The following SMARCD3 variants were observed in gnomAD, a reference collection of about 807,000 sequenced individuals.
SMARCD3 encodes the protein SWI/SNF-related matrix-associated actin-dependent regulator of chromatin subfamily D member 3.
A neutral mutation model predicts 58.0 loss-of-function variants in SMARCD3; 14 were observed. The observed-to-expected ratio is 0.24, with a 90% CI of 0.16 to 0.38. SMARCD3 has a LOEUF of 0.38. Among genes scored for constraint, SMARCD3 ranks in the 10% least tolerant of loss-of-function variants. The pLI is 1.00. For missense variants in SMARCD3, 408 were observed against 636.9 expected (o/e 0.64, Z 3.87); for synonymous variants, 253 against 253.8 (o/e 1.00, Z 0.03).
upstream of SMARCD3, among the ~76,000 whole-genome samples, chr7:151,249,798 G>C (rs998862554): frequency 2.2e-4 from 34 of 151,966 alleles, no homozygotes; most frequent in Admixed American, 1.1e-3. The surrounding 1 kb of genome is among the most constrained non-coding windows in gnomAD (Gnocchi z 4.8). Flanking sequence ...CCCAGAAGGG[G>C]CGTGTGGAAG....
Position 151,238,823 on chromosome 7 carries a change from C to G in SMARCD3, c.*280G>C, listed in dbSNP as rs1347172660. On this transcript the variant is annotated 3_prime_UTR_variant, in exon 13 of 13. Coordinates refer to ENST00000262188, the MANE Select transcript of SMARCD3 (RefSeq NM_001003801.2). ...GTTATTAAACATGTCTTCTGCCAAACTGTTTTTAGGTCTAGGGAAAATTGA... is the reference window on the plus strand; with the variant it reads ...GTTATTAAACATGTCTTCTGCCAAAGTGTTTTTAGGTCTAGGGAAAATTGA... The G allele has an allele frequency of 1.3e-6, 2 of 1,529,136 alleles. No homozygotes were observed. The highest frequency in any genetic ancestry group is 2.7e-5 in the African/African-American group (2 of 73,014). 94.7% of individuals were successfully genotyped at this position (1,529,136 alleles called of 1,614,324 possible).
At position 151,242,066 on chromosome 7, in the gene SMARCD3, G is replaced by C; in HGVS notation, c.675+71C>G. 2.6e-6 allele frequency: 4 copies of C among 1,539,076 alleles called. No homozygotes were observed. The highest frequency in any genetic ancestry group is 2.2e-5 in the South Asian group (2 of 89,508). On this transcript the variant is annotated intron_variant, in intron 6 of 12. Transcript: ENST00000262188. This position sits in a 1 kb window ranked among gnomAD's most constrained non-coding sequence, Gnocchi z 4.7. Reference sequence around the variant, plus strand: ...CTAGGGTGGTCCCTGACCCAAATCTGTGCTGGTTCTTCAGGGATTCTGGCC... The same window carrying C: ...CTAGGGTGGTCCCTGACCCAAATCTCTGCTGGTTCTTCAGGGATTCTGGCC...
chr7:151,254,436 C>G (rs1803634519), intron 2 of SMARCD3: 1 of 152,616 alleles, frequency 6.6e-6, no homozygotes, highest in African/African-American at 2.4e-5. Context: ...CTCCCTGGAG[C>G]TCTGTCCTCA....
rs552440384 is a variant in SMARCD3 at position 151,239,988 on chromosome 7, C to CTTT, written c.1173+121_1173+123dup. On this transcript the variant is annotated intron_variant, in intron 10 of 12. Transcript: ENST00000262188. The surrounding 1 kb of genome is among the most constrained non-coding windows in gnomAD (Gnocchi z 7.0). ...GTCCCATTGGCCCAGAGTCTGGTCT[C>CTTT]TTTTTTTTTTTTTTTTTTAATTTAA... is the stretch of plus-strand genomic sequence containing the variant. 2.4e-4 allele frequency: 201 copies of CTTT among 830,352 alleles called. No homozygotes were observed. Among genetic ancestry groups the CTTT allele is most frequent in the Non-Finnish European group, 3.0e-4 (165 of 557,968 alleles). The allele number at this position is 830,352 out of a possible 1,614,324, so 51.4% of individuals were successfully genotyped here. A position where few individuals can be genotyped will look rare whatever the true frequency, so the allele number is the denominator to read the frequency against.
chr7:151,254,439 T>C (rs1803634603), intron 2 of SMARCD3: 1 of 152,552 alleles, frequency 6.6e-6, no homozygotes, highest in African/African-American at 2.4e-5. Context: ...CCTGGAGCTC[T>C]GTCCTCATCT....
Position 151,241,380 on chromosome 7 carries a change from C to G in SMARCD3, c.939+112G>C. On this transcript the variant is annotated intron_variant, in intron 8 of 12. Coordinates refer to ENST00000262188, the MANE Select transcript of SMARCD3 (RefSeq NM_001003801.2). The surrounding 1 kb of genome is among the most constrained non-coding windows in gnomAD (Gnocchi z 5.3). ...CCAAGACCATGACTGTGTACTGCTT[C>G]TGCTACTCAGGAATCTAGAAGGGAG... The G allele has an allele frequency of 5.5e-6, 5 of 910,360 alleles. No individual in the cohort carries two copies. The highest frequency in any genetic ancestry group is 8.8e-6 in the Non-Finnish European group (5 of 567,256). The allele number at this position is 910,360 out of a possible 1,614,324, so 56.4% of individuals were successfully genotyped here.
chr7:151,259,006 A>G (rs1803807259), intron 2 of SMARCD3, among the ~76,000 whole-genome samples: 2 of 151,918 alleles, frequency 1.3e-5, no homozygotes, highest in African/African-American at 2.4e-5. Flanking sequence ...CCACCCTTCT[A>G]TATCATCTAC....
Position 151,243,771 on chromosome 7 carries a change from A to G in SMARCD3, c.291-70T>C. 1 of 1,102,116 alleles carries G rather than the reference A, an allele frequency of 9.1e-7. No homozygotes were observed. Among genetic ancestry groups the G allele is most frequent in the African/African-American group, 1.5e-5 (1 of 65,170 alleles). 68.3% of individuals were successfully genotyped at this position (1,102,116 alleles called of 1,614,324 possible). A position where few individuals can be genotyped will look rare whatever the true frequency, so the allele number is the denominator to read the frequency against. On this transcript the variant is annotated intron_variant, in intron 2 of 12. Transcript: ENST00000262188. The surrounding 1 kb of genome is among the most constrained non-coding windows in gnomAD (Gnocchi z 4.4). Reference sequence around the variant, plus strand: ...TCTGGGCGTAACGAGGCCACCTGCTAGATTATCCCGACATCTCCGCCCGCC... The same window carrying G: ...TCTGGGCGTAACGAGGCCACCTGCTGGATTATCCCGACATCTCCGCCCGCC...
chr7:151,239,195 C>T lies in SMARCD3; in HGVS notation c.1399-39G>A, dbSNP rs1267545823. ...GAGAACAGGAGCAGGTGTCAGTGTT[C>T]TGGTGAGTGATCAGGACAATCCCAC... On this transcript the variant is annotated intron_variant, in intron 12 of 12. Transcript: ENST00000262188. This position sits in a 1 kb window ranked among gnomAD's most constrained non-coding sequence, Gnocchi z 7.0. The T allele has an allele frequency of 1.2e-6, 2 of 1,607,288 alleles. No homozygotes were observed. The highest frequency in any genetic ancestry group is 1.7e-6 in the Non-Finnish European group (2 of 1,173,944).
At position 151,243,793 on chromosome 7, in the gene SMARCD3, C is replaced by T. The variant is rs182979452; in HGVS notation, c.291-92G>A. 5.6e-3 allele frequency: 5,204 copies of T among 923,926 alleles called. 31 individuals carry two copies. Among genetic ancestry groups the T allele is most frequent in the Middle Eastern group, 0.014 (64 of 4,662 alleles). 57.2% of individuals were successfully genotyped at this position (923,926 alleles called of 1,614,324 possible). On this transcript the variant is annotated intron_variant, in intron 2 of 12. Coordinates refer to ENST00000262188, the MANE Select transcript of SMARCD3 (RefSeq NM_001003801.2). The surrounding 1 kb of genome is among the most constrained non-coding windows in gnomAD (Gnocchi z 4.4). ...GCTAGATTATCCCGACATCTCCGCC[C>T]GCCTGGCTGGGGTTCCCACAGCCCA...
chr7:151,248,758 CCGCCG>C, upstream of SMARCD3: 2 of 923,528 alleles, frequency 2.2e-6, no homozygotes, highest in Non-Finnish European at 2.7e-6. This position sits in a 1 kb window ranked among gnomAD's most constrained non-coding sequence, Gnocchi z 6.1. Flanking sequence ...CGCCCGCCCG[CCGCCG>C]CCGCCGCCGC....
chr7:151,277,142 C>A (rs930613868), upstream of SMARCD3: 3 of 151,136 alleles, frequency 2.0e-5, no homozygotes, highest in African/African-American at 7.3e-5. Context: ...CGGCTCGGCC[C>A]GGCGCCTGCG....
chr7:151,245,130 C>T lies in SMARCD3; in HGVS notation c.290+330G>A, dbSNP rs2150594929. ...CTGCCCTCAGTCCCACTGGAAGCCCCGCCCCCACCCCAAAGACTGAAGCAT... is the reference window on the plus strand; with the variant it reads ...CTGCCCTCAGTCCCACTGGAAGCCCTGCCCCCACCCCAAAGACTGAAGCAT... On this transcript the variant is annotated intron_variant, in intron 2 of 12. Transcript: ENST00000262188. The surrounding 1 kb of genome is among the most constrained non-coding windows in gnomAD (Gnocchi z 6.2). 6.6e-6 allele frequency among the ~76,000 whole-genome samples: 1 copy of T among 152,220 alleles called. No individual in the cohort carries two copies. The highest frequency in any genetic ancestry group is 2.1e-4 in the South Asian group (1 of 4,816).
chr7:151,252,183 G>C (rs774069556), upstream of SMARCD3, among the ~76,000 whole-genome samples: 5 of 152,164 alleles, frequency 3.3e-5, no homozygotes, highest in African/African-American at 4.8e-5. Flanking sequence ...ACTCCGCTCG[G>C]GGGGCGCGGC....
At chr7:151,269,620 T>C (rs1423120921) in intron 2 of SMARCD3, among the ~76,000 whole-genome samples, 1 of 151,996 alleles carries the variant, frequency 6.6e-6, no homozygotes, top group Non-Finnish European at 1.5e-5. Flanking sequence ...GTCTGGGTGG[T>C]GGCCAGTGGC....
intron 2 of SMARCD3, among the ~76,000 whole-genome samples, chr7:151,254,877 C>T (rs538112821): frequency 7.2e-5 from 11 of 152,242 alleles, no homozygotes; most frequent in African/African-American, 2.4e-4. Flanking sequence ...TGGGTGTCAC[C>T]GGAGTGAAGA....
intron 2 of SMARCD3, among the ~76,000 whole-genome samples, chr7:151,274,070 G>C (rs1795259017): frequency 6.6e-6 from 1 of 152,286 alleles, no homozygotes; most frequent in Non-Finnish European, 1.5e-5. Flanking sequence ...ACCTTTCCAG[G>C]ACTTTCCTGA....
Position 151,239,793 on chromosome 7 carries a change from G to C in SMARCD3, c.1174-47C>G, listed in dbSNP as rs767349015. 2 of 1,606,854 alleles carry C rather than the reference G, an allele frequency of 1.2e-6. No individual in the cohort carries two copies. The highest frequency in any genetic ancestry group is 4.5e-5 in the East Asian group (2 of 44,812). On this transcript the variant is annotated intron_variant, in intron 10 of 12. Coordinates refer to ENST00000262188, the MANE Select transcript of SMARCD3 (RefSeq NM_001003801.2). The surrounding 1 kb of genome is among the most constrained non-coding windows in gnomAD (Gnocchi z 7.0). ...CTTTCCACCTGGCTTTGGTGATGTG[G>C]GAGACGAGGGGAAAGGAAGCGGGTG... is the stretch of plus-strand genomic sequence containing the variant.
At chr7:151,272,674 G>A (rs981756752) in intron 2 of SMARCD3, among the ~76,000 whole-genome samples, 1 of 152,128 alleles carries the variant, frequency 6.6e-6, no homozygotes, top group Admixed American at 6.5e-5. Context: ...GAAACCGAAC[G>A]CGCTATCCCA....
Sources: allele counts gnomAD v4.1 joint callset (sites outside exome capture counted in the v4.1 genomes callset), GRCh38; gene constraint gnomAD v4.1.1; non-coding constraint Gnocchi (gnomAD v3.1); transcripts MANE v1.5; gene names NCBI Gene and HGNC (gene_info 2026-07-23, HGNC 2026-07-21).